PLD5: variants seen among roughly 807,000 people sequenced by gnomAD.
The protein encoded by PLD5 is inactive phospholipase D5.
PLD5 carries 36 observed loss-of-function variants against 61.1 expected under a neutral mutation model. That is an observed-to-expected ratio of 0.59 (90% CI 0.45 to 0.78). PLD5 has a LOEUF of 0.78. Among genes scored for constraint, PLD5 ranks in the 30% least tolerant of loss-of-function variants. PLD5 has a pLI of 0.00. For missense variants in PLD5, 515 were observed against 644.4 expected (o/e 0.80, Z 2.17); for synonymous variants, 243 against 242.8 (o/e 1.00, Z -0.01).
At chr1:242,526,027 A>G (rs2103017216), upstream of PLD5, among the ~76,000 whole-genome samples, 1 of 152,328 alleles carries the variant, frequency 6.6e-6, no homozygotes, top group East Asian at 1.9e-4. Context: ...TGCAAGATAA[A>G]TGTTATTAAC....
At chr1:242,227,168 G>A (rs189629738) in intron 4 of PLD5, among the ~76,000 whole-genome samples, 1 of 152,042 alleles carries the variant, frequency 6.6e-6, no homozygotes, top group Non-Finnish European at 1.5e-5. Context: ...TCTTTTTGAG[G>A]ACACTAATGT....
chr1:242,161,179 G>A lies in PLD5; in HGVS notation c.736-36514C>T, dbSNP rs78304197. Among the ~76,000 whole-genome samples, 536 of 152,176 alleles carry A rather than the reference G, an allele frequency of 3.5e-3. 13 individuals are homozygous for A. In the East Asian group the frequency reaches 0.061, roughly 17 times the overall value. The stretch of plus-strand genomic sequence containing the variant: ...GACTAGGTAATTTATAAAGAAAAAG[G>A]CATTTAATGGACTCATAGTTGCACA... On this transcript the variant is annotated intron_variant, in intron 5 of 9. Transcript: ENST00000536534.
intron 1 of PLD5, among the ~76,000 whole-genome samples, chr1:242,475,619 A>G (rs553329364): frequency 5.9e-5 from 9 of 152,160 alleles, no homozygotes; most frequent in Admixed American, 5.9e-4. Context: ...CTCTAAACAT[A>G]CTGTCATGTG....
intron 1 of PLD5, among the ~76,000 whole-genome samples, chr1:242,391,077 C>T (rs1474736114): frequency 6.6e-6 from 1 of 152,074 alleles, no homozygotes; most frequent in Non-Finnish European, 1.5e-5. Flanking sequence ...TATCTGCAGT[C>T]CTAGCTACTC....
At chr1:242,115,782 T>C (rs1191413427) in intron 6 of PLD5, among the ~76,000 whole-genome samples, 5 of 152,154 alleles carry the variant, frequency 3.3e-5, no homozygotes, top group Non-Finnish European at 7.4e-5. Context: ...GCTATTAAGA[T>C]GCCGAAATTC....
intron 1 of PLD5, among the ~76,000 whole-genome samples, chr1:242,418,874 T>C (rs1386500751): frequency 6.6e-6 from 1 of 152,214 alleles, no homozygotes; most frequent in Admixed American, 6.5e-5. Context: ...CCTAGAGTCA[T>C]GTGGCAATGC....
At chr1:242,242,012 GACACACACACACAC>G (rs377737578) in intron 4 of PLD5, among the ~76,000 whole-genome samples, 4 of 106,048 alleles carry the variant, frequency 3.8e-5, no homozygotes, top group East Asian at 2.7e-4. Flanking sequence ...TATATATATA[GACACACACACACAC>G]ACACACACAC....
rs1001327751 is a variant in PLD5 at position 242,088,682 on chromosome 1, T to C, written c.*1172A>G. 9 of 152,150 alleles carry C rather than the reference T, an allele frequency of 5.9e-5. No individual in the cohort carries two copies. The highest frequency in any genetic ancestry group is 2.2e-4 in the African/African-American group (9 of 41,416). 9.4% of individuals were successfully genotyped at this position (152,150 alleles called of 1,614,324 possible). ...ATGCCTCTCCCTAGTGTAGCAATGG[T>C]CTCCATTAATACAGGGGTATATATT... On this transcript the variant is annotated 3_prime_UTR_variant, in exon 10 of 10. Coordinates refer to ENST00000536534, the MANE Select transcript of PLD5 (RefSeq NM_001372062.1).
At chr1:242,249,097 C>A (rs915599715) in intron 4 of PLD5, among the ~76,000 whole-genome samples, 15 of 152,174 alleles carry the variant, frequency 9.9e-5, no homozygotes, top group Non-Finnish European at 1.5e-4. Flanking sequence ...GCTTGGGCAA[C>A]AGAGTGAGAC....
intron 1 of PLD5, among the ~76,000 whole-genome samples, chr1:242,445,046 G>A (rs566026568): frequency 5.5e-4 from 83 of 152,200 alleles, no homozygotes; most frequent in African/African-American, 1.9e-3. Flanking sequence ...GCTGTGGTGT[G>A]AATATTTGTT....
intron 2 of PLD5, among the ~76,000 whole-genome samples, chr1:242,346,763 C>T (rs1355353144): frequency 6.6e-6 from 1 of 152,140 alleles, no homozygotes; most frequent in African/African-American, 2.4e-5. Flanking sequence ...AAATATTAAG[C>T]CCAGCATCCA....
rs542364662 is a variant in PLD5, at chr1:242,503,058, TCAAAAA to T, written c.189+21024_189+21029del. ...CCTGGCAACAGAGCAAGACTCCGTC[TCAAAAA>T]CAAAAACAAAACAGAGTCCTGCGGA... On this transcript the variant is annotated intron_variant, in intron 1 of 9. Coordinates refer to ENST00000536534, the MANE Select transcript of PLD5 (RefSeq NM_001372062.1). Among the ~76,000 whole-genome samples, 580 of 152,214 alleles carry T rather than the reference TCAAAAA, an allele frequency of 3.8e-3. 14 individuals carry two copies. The highest frequency in any genetic ancestry group is 0.031 in the Admixed American group (477 of 15,288).
intron 1 of PLD5, among the ~76,000 whole-genome samples, chr1:242,477,526 G>A (rs1180392440): frequency 1.3e-5 from 2 of 152,206 alleles, no homozygotes; most frequent in Admixed American, 1.3e-4. Flanking sequence ...TGTTGGTAGT[G>A]CACTGAGCTA....
intron 1 of PLD5, among the ~76,000 whole-genome samples, chr1:242,473,015 T>G (rs1045213060): frequency 6.6e-6 from 1 of 152,014 alleles, no homozygotes; most frequent in Non-Finnish European, 1.5e-5. Flanking sequence ...AAAGGACACA[T>G]AAAAACAGAA....
At chr1:242,369,182 A>G (rs977112) in intron 1 of PLD5, among the ~76,000 whole-genome samples, 136,276 of 152,202 alleles carry the variant, frequency 0.9, 62,150 homozygotes, top group Non-Finnish European at 0.98. Flanking sequence ...AGTGAAAAAT[A>G]TATGTCTTCC....
intron 6 of PLD5, among the ~76,000 whole-genome samples, chr1:242,123,030 C>G (rs1018705451): frequency 1.3e-5 from 2 of 152,192 alleles, no homozygotes; most frequent in African/African-American, 2.4e-5. Context: ...AATAAAAATT[C>G]TAAGATCTCA....
chr1:242,226,476 C>T (rs1192773201), intron 4 of PLD5, among the ~76,000 whole-genome samples: 2 of 152,182 alleles, frequency 1.3e-5, no homozygotes, highest in Non-Finnish European at 2.9e-5. Context: ...AGTGATAAAT[C>T]AAGAGTATAT....
chr1:242,282,502 A>C (rs1296607341), intron 3 of PLD5, among the ~76,000 whole-genome samples: 1 of 152,220 alleles, frequency 6.6e-6, no homozygotes, highest in Non-Finnish European at 1.5e-5. Context: ...TTAAAAAATC[A>C]TAATTTCTCG....
chr1:242,193,881 AG>A (rs1668436431), intron 5 of PLD5, among the ~76,000 whole-genome samples: 1 of 152,242 alleles, frequency 6.6e-6, no homozygotes, highest in Admixed American at 6.5e-5. Flanking sequence ...GACAATTGAC[AG>A]GGATGATTAT....
Sources: gnomAD v4.1 joint callset for allele counts (sites outside exome capture counted in the v4.1 genomes callset) on GRCh38, gnomAD v4.1.1 for gene constraint, MANE v1.5 for transcripts, NCBI Gene and HGNC (gene_info 2026-07-23, HGNC 2026-07-21) for gene names.